NFIA: variants seen among roughly 807,000 people sequenced by gnomAD.
NFIA encodes the protein nuclear factor I A, also known as nuclear factor 1 A-type.
NFIA carries 8 observed loss-of-function variants against 62.8 expected under a neutral mutation model. The ratio of observed to expected loss-of-function variants is 0.13; its 90% confidence interval spans 0.07 to 0.23. NFIA has a LOEUF of 0.23. NFIA is among the 10% of genes least tolerant of loss of function. NFIA has a pLI of 1.00. For synonymous variants in NFIA, 235 were observed against 238.1 expected, an observed-to-expected ratio of 0.99 and a Z score of 0.12; for missense variants, 410 against 642.1, an observed-to-expected ratio of 0.64 and a Z score of 3.91.
chr1:61,190,608 AT>A (rs2100574454), intron 2 of NFIA, among the ~76,000 whole-genome samples: 1 of 152,358 alleles, frequency 6.6e-6, no homozygotes, highest in Non-Finnish European at 1.5e-5. Context: ...TGCAAATGTT[AT>A]TTACACATAT....
intron 2 of NFIA, among the ~76,000 whole-genome samples, chr1:61,222,250 C>G (rs1158473915): frequency 6.6e-6 from 1 of 152,056 alleles, no homozygotes; most frequent in African/African-American, 2.4e-5. Context: ...ATTCTCATAG[C>G]AATGATGTAA....
intron 2 of NFIA, among the ~76,000 whole-genome samples, chr1:61,196,199 T>C (rs376474831): frequency 6.2e-4 from 94 of 152,310 alleles, no homozygotes; most frequent in African/African-American, 2.0e-3. Context: ...AGCTTTAGTG[T>C]GCTACTGAAA....
chr1:61,439,681 G>A (rs1301437808), intron 10 of NFIA, among the ~76,000 whole-genome samples: 4 of 152,184 alleles, frequency 2.6e-5, no homozygotes, highest in Non-Finnish European at 5.9e-5. Flanking sequence ...GGGAAAGAGA[G>A]CATCTCAGAA....
chr1:61,390,046 C>T (rs1273192659), intron 7 of NFIA, among the ~76,000 whole-genome samples: 1 of 151,990 alleles, frequency 6.6e-6, no homozygotes, highest in Non-Finnish European at 1.5e-5. Flanking sequence ...TCCTGGAGGA[C>T]GAGAGGACAA....
chr1:61,137,650 A>G (rs1647224316), intron 2 of NFIA, among the ~76,000 whole-genome samples: 1 of 152,068 alleles, frequency 6.6e-6, no homozygotes, highest in South Asian at 2.1e-4. Context: ...GGGCGTTAGC[A>G]TTTTTTAAAG....
chr1:61,206,954 G>A (rs1412176821), intron 2 of NFIA, among the ~76,000 whole-genome samples: 2 of 152,224 alleles, frequency 1.3e-5, no homozygotes, highest in East Asian at 1.9e-4. Context: ...ATAAGTAAAG[G>A]TACTGTTTAT....
Position 61,458,462 on chromosome 1 carries a change from T to G in NFIA, c.*3142T>G, listed in dbSNP as rs966334181. ...GAATAAACTGCCCGCTCAGAAGATATGTAATTTGTATTGTTGTATAGTTTT... is the reference window on the plus strand; with the variant it reads ...GAATAAACTGCCCGCTCAGAAGATAGGTAATTTGTATTGTTGTATAGTTTT... On this transcript the variant is annotated 3_prime_UTR_variant, in exon 11 of 11. Transcript: ENST00000403491. The G allele has an allele frequency of 6.6e-6, 1 of 152,140 alleles. No homozygotes were observed. The highest frequency in any genetic ancestry group is 1.5e-5 in the Non-Finnish European group (1 of 68,008). The allele number at this position is 152,140 out of a possible 1,614,324, so 9.4% of individuals were successfully genotyped here. A position where few individuals can be genotyped will look rare whatever the true frequency, so the allele number is the denominator to read the frequency against.
chr1:61,195,042 T>G (rs1207727402), intron 2 of NFIA, among the ~76,000 whole-genome samples: 1 of 141,812 alleles, frequency 7.1e-6, no homozygotes, highest in Admixed American at 7.0e-5. Flanking sequence ...CCTTTGCTTC[T>G]TTCTCTCACC....
At chr1:61,083,033 C>A (rs191144940) in intron 1 of NFIA, among the ~76,000 whole-genome samples, 1 of 152,088 alleles carries the variant, frequency 6.6e-6, no homozygotes, top group Non-Finnish European at 1.5e-5. Flanking sequence ...TGTTTCCATG[C>A]GGGTGCATTC....
At chr1:61,432,398 A>G (rs914494273) in intron 10 of NFIA, among the ~76,000 whole-genome samples, 1 of 151,856 alleles carries the variant, frequency 6.6e-6, no homozygotes, top group Admixed American at 6.6e-5. Flanking sequence ...TCCTGGTGGT[A>G]CATCCTCACT....
chr1:61,195,141 T>G (rs1422920680), intron 2 of NFIA, among the ~76,000 whole-genome samples: 5 of 152,216 alleles, frequency 3.3e-5, no homozygotes, highest in Non-Finnish European at 7.4e-5. Flanking sequence ...TCATTAATTC[T>G]TATTTATTCG....
At chr1:61,114,788 T>C (rs981161866) in intron 2 of NFIA, among the ~76,000 whole-genome samples, 3 of 152,196 alleles carry the variant, frequency 2.0e-5, no homozygotes, top group Non-Finnish European at 4.4e-5. Flanking sequence ...ACCTTGTTCA[T>C]AGTATGTAAT....
At chr1:61,402,646 G>A (rs969065386) in intron 7 of NFIA, among the ~76,000 whole-genome samples, 2 of 152,136 alleles carry the variant, frequency 1.3e-5, no homozygotes, top group Non-Finnish European at 2.9e-5. Context: ...TTGTATGACC[G>A]ATGGCAAAAT....
At chr1:61,418,227 G>A (rs1179185873) in intron 9 of NFIA, among the ~76,000 whole-genome samples, 1 of 152,134 alleles carries the variant, frequency 6.6e-6, no homozygotes, top group Admixed American at 6.5e-5. Flanking sequence ...ACATTGGGAG[G>A]CTGAGACAGG....
chr1:61,304,645 C>T (rs1659660293), intron 3 of NFIA, among the ~76,000 whole-genome samples: 1 of 145,150 alleles, frequency 6.9e-6, no homozygotes. Flanking sequence ...CTTCAAATTC[C>T]TGCCATTTGA....
At chr1:61,265,680 T>A (rs1657112815) in intron 2 of NFIA, among the ~76,000 whole-genome samples, 1 of 152,230 alleles carries the variant, frequency 6.6e-6, no homozygotes, top group African/African-American at 2.4e-5. Context: ...AAATACATAT[T>A]TTTAAGTATT....
intron 9 of NFIA, among the ~76,000 whole-genome samples, chr1:61,424,959 A>G (rs1666800164): frequency 1.3e-5 from 2 of 152,258 alleles, no homozygotes; most frequent in Admixed American, 1.3e-4. Context: ...TAGAGACAAA[A>G]TCAGTAGATT....
chr1:61,264,967 T>C (rs1042512081), intron 2 of NFIA, among the ~76,000 whole-genome samples: 2 of 152,216 alleles, frequency 1.3e-5, no homozygotes, highest in Non-Finnish European at 2.9e-5. Context: ...GACTGGTTAC[T>C]GATCTTTGAA....
intron 10 of NFIA, among the ~76,000 whole-genome samples, chr1:61,447,212 T>C (rs1667850612): frequency 1.3e-5 from 2 of 152,220 alleles, no homozygotes; most frequent in African/African-American, 4.8e-5. Context: ...TGCTTCTTCA[T>C]TTTTTGCCTT....
Sources: allele counts gnomAD v4.1 joint callset (sites outside exome capture counted in the v4.1 genomes callset), GRCh38; gene constraint gnomAD v4.1.1; transcripts MANE v1.5; gene names NCBI Gene and HGNC (gene_info 2026-07-23, HGNC 2026-07-21).